The following TGM4 variants were observed in gnomAD, a reference collection of about 807,000 sequenced individuals.
The protein encoded by TGM4 is transglutaminase 4.
In TGM4, 61 loss-of-function variants were observed where a neutral mutation model predicts 76.3. The observed-to-expected ratio is 0.80, with a 90% CI of 0.65 to 0.99. The LOEUF (loss-of-function observed/expected upper bound fraction) is 0.99. Among genes scored for constraint, TGM4 ranks in the 50% least tolerant of loss-of-function variants. The pLI is 0.00. For synonymous variants in TGM4, 337 were observed against 329.8 expected, an observed-to-expected ratio of 1.02 and a Z score of -0.24; for missense variants, 794 against 843.2, an observed-to-expected ratio of 0.94 and a Z score of 0.72.
intron 6 of TGM4, chr3:44,899,639 T>C (rs1699826011): frequency 1.3e-5 from 2 of 152,224 alleles, no homozygotes; most frequent in African/African-American, 4.8e-5. Context: ...GCAGGGAACC[T>C]CGGCGCAGCA....
rs567037257 is a variant in TGM4 at position 44,910,088 on chromosome 3, A to T, written c.1328-2A>T. ...AGGAAGCTGCCTTTGTGTCTCTTTC[A>T]GGCTCCTCTGAGGAGAGGCAGGTCA... On this transcript the variant is annotated splice_acceptor_variant, in intron 10 of 13. Transcript: ENST00000296125. LOFTEE classifies it high-confidence loss of function. The T allele has an allele frequency of 6.2e-7, 1 of 1,611,992 alleles. No homozygotes were observed. The highest frequency in any genetic ancestry group is 1.1e-5 in the South Asian group (1 of 90,994).
chr3:44,906,837 C>T lies in TGM4; in HGVS notation c.1076-112C>T, dbSNP rs113459410. On this transcript the variant is annotated intron_variant, in intron 9 of 13. Transcript: ENST00000296125. The stretch of plus-strand genomic sequence containing the variant: ...AATGAGTACCCAGATGCTTCTTGGG[C>T]AAAATTTGCTTGCCAGTCCTGTTTG... 8.9e-5 allele frequency: 131 copies of T among 1,471,032 alleles called. No homozygotes were observed. In the African/African-American group the frequency reaches 1.5e-3, roughly 17 times the overall value. The allele number at this position is 1,471,032 out of a possible 1,614,324, so 91.1% of individuals were successfully genotyped here. A position where few individuals can be genotyped will look rare whatever the true frequency, so the allele number is the denominator to read the frequency against.
At chr3:44,879,630 A>G (rs1699505853) in intron 1 of TGM4, among the ~76,000 whole-genome samples, 1 of 150,324 alleles carries the variant, frequency 6.7e-6, no homozygotes, top group Admixed American at 6.6e-5. Flanking sequence ...CTGCCACCAC[A>G]TCCGGCTAAT....
At chr3:44,886,406 C>T (rs748339451) in intron 2 of TGM4, among the ~76,000 whole-genome samples, 10 of 152,148 alleles carry the variant, frequency 6.6e-5, no homozygotes, top group African/African-American at 7.2e-5. Context: ...CCTGGGAGAG[C>T]GCTCCTTTTG....
rs1034622870 is a variant in TGM4, at chr3:44,882,055, C to T, written c.20-3270C>T. On this transcript the variant is annotated intron_variant, in intron 1 of 13. Transcript: ENST00000296125. ...AATAGCTACAAAATAAAAATACAAA[C>T]GCTTTTTTTTTTTTTTTTTTTTTAG... 1.1e-4 allele frequency among the ~76,000 whole-genome samples: 10 copies of T among 90,316 alleles called. No individual in the cohort carries two copies. In the South Asian group the frequency reaches 4.9e-3, roughly 45 times the overall value. 59.3% of individuals were successfully genotyped at this position (90,316 alleles called of 152,430 possible).
intron 9 of TGM4, among the ~76,000 whole-genome samples, chr3:44,905,678 A>G (rs533555226): frequency 6.6e-6 from 1 of 152,360 alleles, no homozygotes; most frequent in East Asian, 1.9e-4. Flanking sequence ...TCCAGCTGCA[A>G]TGTGAGCCCA....
At chr3:44,892,951 A>G (rs551563933) in intron 4 of TGM4, among the ~76,000 whole-genome samples, 1 of 152,308 alleles carries the variant, frequency 6.6e-6, no homozygotes, top group Non-Finnish European at 1.5e-5. Context: ...TTGGAAAATC[A>G]TATCTGGAGG....
intron 5 of TGM4, among the ~76,000 whole-genome samples, chr3:44,894,647 C>A (rs1265122804): frequency 6.6e-6 from 1 of 151,344 alleles, no homozygotes; most frequent in Non-Finnish European, 1.5e-5. Flanking sequence ...TCCCACCTCC[C>A]CTCCCCCAAG....
rs1449920789 is a variant in TGM4 at position 44,907,918 on chromosome 3, G to GT, written c.1327+718_1327+719insT. 1.1e-4 allele frequency among the ~76,000 whole-genome samples: 17 copies of GT among 152,328 alleles called. No individual in the cohort carries two copies. The South Asian group carries it at 3.5e-3, about 32-fold the overall frequency. ...CATCCTCAAAGGGTGCAAGAGTCCA[G>GT]ACAGGGGCAAACTGAAGATGGGATG... On this transcript the variant is annotated intron_variant, in intron 10 of 13. Coordinates refer to ENST00000296125, the MANE Select transcript of TGM4 (RefSeq NM_003241.4).
intron 9 of TGM4, 105 bp downstream of exon 9, chr3:44,904,092 C>T: frequency 9.6e-7 from 1 of 1,036,848 alleles, no homozygotes; most frequent in Non-Finnish European, 1.4e-6. Context: ...GGAAAGTTTT[C>T]ATAAAAATTT....
chr3:44,890,042 A>C lies in TGM4; in HGVS notation c.301-561A>C, dbSNP rs140624331. On this transcript the variant is annotated intron_variant, in intron 3 of 13. Transcript: ENST00000296125. ...TTTTACATGGTAGCAGGTGAGAGAGAGCGAGAAAGAGCAGGGGAAACTGCC... is the reference window on the plus strand; with the variant it reads ...TTTTACATGGTAGCAGGTGAGAGAGCGCGAGAAAGAGCAGGGGAAACTGCC... 1.2e-4 allele frequency among the ~76,000 whole-genome samples: 18 copies of C among 152,294 alleles called. No individual in the cohort carries two copies. The East Asian group carries it at 3.5e-3, about 29-fold the overall frequency.
At chr3:44,911,546 T>C (rs1451474162) in intron 13 of TGM4, 140 bp downstream of exon 13, 3 of 940,276 alleles carry the variant, frequency 3.2e-6, no homozygotes, top group Non-Finnish European at 3.1e-6. Flanking sequence ...CCAAATTACT[T>C]TGAGAAAAGA....
At chr3:44,888,730 A>G (rs1408094127) in intron 3 of TGM4, 2 of 152,152 alleles carry the variant, frequency 1.3e-5, no homozygotes, top group Non-Finnish European at 2.9e-5. Context: ...GAATTTTTAC[A>G]TATGAATACA....
chr3:44,901,112 C>T (rs985877071), intron 6 of TGM4, among the ~76,000 whole-genome samples: 13 of 152,096 alleles, frequency 8.5e-5, no homozygotes, highest in Admixed American at 2.0e-4. Context: ...TGGTGGCGTG[C>T]GCCTGTAGTC....
In TGM4 at chr3:44,887,718, C is replaced by T; in HGVS notation, c.223C>T (p.Leu75=). Residue 75 remains leucine (L), a synonymous_variant, in exon 3 of 14, where the codon CTG becomes TTG. Coordinates refer to ENST00000296125, the MANE Select transcript of TGM4 (RefSeq NM_003241.4). ...GAATCCTAGCATCGCCAAACACACC[C>T]TGGTGGTGCTCGACCCGAGGACGCC... ...GPNPSIAKHT[L]VVLDPRTPSD... is the part of the protein sequence containing the mutation. The T allele has an allele frequency of 6.2e-7, 1 of 1,614,168 alleles. No individual in the cohort carries two copies. Among genetic ancestry groups the T allele is most frequent in the Non-Finnish European group, 8.5e-7 (1 of 1,180,008 alleles).
chr3:44,901,591 C>T lies in TGM4; in HGVS notation c.725C>T (p.Ala242Val). 2 of 1,614,008 alleles carry T rather than the reference C, an allele frequency of 1.2e-6. No homozygotes were observed. Among genetic ancestry groups the T allele is most frequent in the South Asian group, 1.1e-5 (1 of 91,032 alleles). Residue 242 changes from alanine (A) to valine (V), a missense_variant, in exon 7 of 14, where the codon GCC (alanine) becomes GTC (valine). Transcript: ENST00000296125. Reference protein sequence around the residue: ...NWTGDYEGGTAPYKWTGSAPI... With the variant: ...NWTGDYEGGTVPYKWTGSAPI... ...ACTGGGGACTACGAAGGTGGCACAGCCCCATACAAGTGGACAGGCAGTGCC... is the reference window on the plus strand; with the variant it reads ...ACTGGGGACTACGAAGGTGGCACAGTCCCATACAAGTGGACAGGCAGTGCC...
intron 2 of TGM4, among the ~76,000 whole-genome samples, chr3:44,887,411 G>C (rs988743154): frequency 6.6e-6 from 1 of 152,244 alleles, no homozygotes; most frequent in African/African-American, 2.4e-5. Flanking sequence ...GCATGTGACA[G>C]AGGCAGGAGC....
chr3:44,914,327 AAC>A lies in TGM4; in HGVS notation c.*603_*604del, dbSNP rs1172645547. On this transcript the variant is annotated 3_prime_UTR_variant, in exon 14 of 14. Transcript: ENST00000296125. ...TCAAGGGCCATGTGGTTTTGCAGAC[AAC>A]CCTGTCCTCAGGCCTGAACTCACCA... is the stretch of plus-strand genomic sequence containing the variant. 5.8e-4 allele frequency: 89 copies of A among 153,104 alleles called. No homozygotes were observed. Among genetic ancestry groups the A allele is most frequent in the African/African-American group, 2.0e-3 (85 of 41,528 alleles). The allele number at this position is 153,104 out of a possible 1,614,324, so 9.5% of individuals were successfully genotyped here. A position where few individuals can be genotyped will look rare whatever the true frequency, so the allele number is the denominator to read the frequency against.
At position 44,913,680 on chromosome 3, in the gene TGM4, A is replaced by G; in HGVS notation, c.2010A>G (p.Gln670=). ...TTATCGTCAAGTTAAGTTCCAAACA[A>G]GTGAAAGAGATTAATGCTCAGAAGA... ...KKFIVKLSSK[Q]VKEINAQKIV... Residue 670 remains glutamine, a synonymous_variant, in exon 14 of 14, where the codon CAA becomes CAG. Coordinates refer to ENST00000296125, the MANE Select transcript of TGM4 (RefSeq NM_003241.4). 6.2e-7 allele frequency: 1 copy of G among 1,614,260 alleles called. No individual in the cohort carries two copies. Among genetic ancestry groups the G allele is most frequent in the South Asian group, 1.1e-5 (1 of 91,082 alleles).
Sources: gnomAD v4.1 joint callset for allele counts (sites outside exome capture counted in the v4.1 genomes callset) on GRCh38, gnomAD v4.1.1 for gene constraint, MANE v1.5 for transcripts, NCBI Gene and HGNC (gene_info 2026-07-23, HGNC 2026-07-21) for gene names.